The following RNF213 variants were observed in gnomAD, a reference collection of about 807,000 sequenced individuals.
RNF213 encodes E3 ubiquitin-protein ligase RNF213.
A neutral mutation model predicts 514.4 loss-of-function variants in RNF213; 341 were observed. The ratio of observed to expected loss-of-function variants is 0.66; its 90% CI spans 0.61 to 0.73. The LOEUF is 0.73. Among genes scored for constraint, RNF213 ranks in the 30% least tolerant of loss-of-function variants. RNF213 has a pLI of 0.00. For missense variants in RNF213, 5,767 were observed against 6,615.6 expected (o/e 0.87, Z 4.45); for synonymous variants, 2,655 against 2,658.2 (o/e 1.00, Z 0.04).
intron 22 of RNF213, among the ~76,000 whole-genome samples, chr17:80,335,264 C>G (rs1423445566): frequency 1.3e-5 from 2 of 152,150 alleles, no homozygotes; most frequent in Admixed American, 1.3e-4. Context: ...TCCATTGATG[C>G]TGTGCGTTTC....
At position 80,317,352 on chromosome 17, in the gene RNF213, A is replaced by T. The variant is rs1041489918; in HGVS notation, c.2901+75A>T. ...GAACCCCAGACCATTAGCGACAGCC[A>T]AGAGATCTCAGCAGTGCCTCTCTGT... is the stretch of plus-strand genomic sequence containing the variant. On this transcript the variant is annotated intron_variant, in intron 16 of 67. Transcript: ENST00000582970. This position sits in a 1 kb window ranked among gnomAD's most constrained non-coding sequence, Gnocchi z 4.1. The T allele has an allele frequency of 3.0e-6, 4 of 1,344,548 alleles. No individual in the cohort carries two copies. The African/African-American group carries it at 5.7e-5, about 19-fold the overall frequency. 83.3% of individuals were successfully genotyped at this position (1,344,548 alleles called of 1,614,324 possible).
chr17:80,343,117 G>A lies in RNF213; in HGVS notation c.5990-15G>A. The stretch of plus-strand genomic sequence containing the variant: ...GCCACCACTCCCAGCCCTAATTTCT[G>A]TATTAATGTTATAGGAAAGTCTCTG... On this transcript the variant is annotated splice_polypyrimidine_tract_variant and intron_variant, in intron 26 of 67. Coordinates refer to ENST00000582970, the MANE Select transcript of RNF213 (RefSeq NM_001256071.3). This position sits in a 1 kb window ranked among gnomAD's most constrained non-coding sequence, Gnocchi z 4.3. 4.4e-6 allele frequency: 7 copies of A among 1,608,904 alleles called. No homozygotes were observed. The highest frequency in any genetic ancestry group is 6.0e-6 in the Non-Finnish European group (7 of 1,175,468).
At position 80,319,285 on chromosome 17, in the gene RNF213, C is replaced by T; in HGVS notation, c.2997C>T (p.Ile999=). 3 of 1,614,136 alleles carry T rather than the reference C, an allele frequency of 1.9e-6. No individual in the cohort carries two copies. The highest frequency in any genetic ancestry group is 2.5e-6 in the Non-Finnish European group (3 of 1,180,032). The change falls in exon 17 of 68, where the codon ATC becomes ATT. Residue 999 remains isoleucine, a synonymous_variant. Coordinates refer to ENST00000582970, the MANE Select transcript of RNF213 (RefSeq NM_001256071.3). The part of the protein sequence containing the change: ...DSVAKTFEKC[I]IEAVSSACQS... ...TGGCCAAGACCTTCGAGAAATGCAT[C>T]ATTGAAGCCGTGAGCTCAGCCTGCC...
At chr17:80,276,727 G>A (rs2145182810) in intron 3 of RNF213, among the ~76,000 whole-genome samples, 1 of 152,036 alleles carries the variant, frequency 6.6e-6, no homozygotes, top group Non-Finnish European at 1.5e-5. Context: ...CGTTAAGGAA[G>A]CAGCAAGGCA....
intron 11 of RNF213, among the ~76,000 whole-genome samples, chr17:80,299,673 T>C (rs2045103702): frequency 6.6e-6 from 1 of 152,116 alleles, no homozygotes; most frequent in Non-Finnish European, 1.5e-5. Flanking sequence ...ATATTAAGCC[T>C]AGTACCCATT....
chr17:80,355,609 C>T lies in RNF213; in HGVS notation c.10862+1033C>T, dbSNP rs180781475. Among the ~76,000 whole-genome samples, 8 of 20,356 alleles carry T rather than the reference C, an allele frequency of 3.9e-4. 1 individual carries two copies. Among genetic ancestry groups the T allele is most frequent in the South Asian group, 1.6e-3 (1 of 626 alleles). 13.4% of individuals were successfully genotyped at this position (20,356 alleles called of 152,430 possible). On this transcript the variant is annotated intron_variant, in intron 36 of 67. Transcript: ENST00000582970. ...GAATGGGGGCTTACAGGGGAAGAAG[C>T]GGGGTGAGTGGGAATGGGGGCTTAC...
chr17:80,305,241 C>T (rs1030012157), intron 11 of RNF213, among the ~76,000 whole-genome samples: 4 of 143,384 alleles, frequency 2.8e-5, no homozygotes, highest in East Asian at 2.0e-4. Flanking sequence ...TACAATGGCA[C>T]GATCTTGGCT....
rs548285142 is a variant in RNF213 at position 80,327,575 on chromosome 17, C to G, written c.3194-241C>G. On this transcript the variant is annotated intron_variant, in intron 18 of 67. Transcript: ENST00000582970. Reference sequence around the variant, plus strand: ...GTCTCCCAGCTGATTTTGGCCATTGCGGGAAGTCATCTTCTTGGACAAGGA... The same window carrying G: ...GTCTCCCAGCTGATTTTGGCCATTGGGGGAAGTCATCTTCTTGGACAAGGA... 9.9e-5 allele frequency among the ~76,000 whole-genome samples: 15 copies of G among 151,926 alleles called. No homozygotes were observed. The South Asian group carries it at 2.3e-3, about 23-fold the overall frequency.
Position 80,288,144 on chromosome 17 carries a change from G to A in RNF213, c.591G>A (p.Gln197=). ...AGGCTCAGAGCAGCCCGCAATTCCA[G>A]GACCACACGGAAGGGGAGGACCAGG... is the stretch of plus-strand genomic sequence containing the variant. ...GSEAQSSPQF[Q]DHTEGEDQDA... is the part of the protein sequence containing the mutation. Residue 197 remains glutamine, a synonymous_variant, in exon 4 of 68, where the codon CAG becomes CAA. Transcript: ENST00000582970. This position sits in a 1 kb window ranked among gnomAD's most constrained non-coding sequence, Gnocchi z 4.9. 1 of 1,610,134 alleles carries A rather than the reference G, an allele frequency of 6.2e-7. No individual in the cohort carries two copies. Among genetic ancestry groups the A allele is most frequent in the Non-Finnish European group, 8.5e-7 (1 of 1,177,500 alleles).
At chr17:80,372,106 G>A (rs1420519282) in intron 47 of RNF213, 121 bp downstream of exon 47, 6 of 719,264 alleles carry the variant, frequency 8.3e-6, no homozygotes, top group Non-Finnish European at 1.5e-5. Flanking sequence ...GTGCAGAAAA[G>A]AAGAAAGGTT....
rs76121974 is a variant in RNF213, at chr17:80,364,027, G to A, written c.11750+237G>A. ...AGGGAGCGCACTGTGTACTGGGGCC[G>A]TAGAAAGGCAGACGGGCTATTGTGA... On this transcript the variant is annotated intron_variant, in intron 41 of 67. Transcript: ENST00000582970. Among the ~76,000 whole-genome samples, 8 of 152,332 alleles carry A rather than the reference G, an allele frequency of 5.3e-5. No homozygotes were observed. The South Asian group carries it at 1.7e-3, about 32-fold the overall frequency.
rs186175310 is a variant in RNF213, at chr17:80,389,754, A to G, written c.15196-74A>G. On this transcript the variant is annotated intron_variant, in intron 65 of 67. Coordinates refer to ENST00000582970, the MANE Select transcript of RNF213 (RefSeq NM_001256071.3). ...AAGAATGCCTGTGTGGAGAGCACTC[A>G]GGCTCCCTGGTGCACGACATGAGTG... 190 of 1,259,404 alleles carry G rather than the reference A, an allele frequency of 1.5e-4. No individual in the cohort carries two copies. The African/African-American group carries it at 2.5e-3, about 17-fold the overall frequency. The allele number at this position is 1,259,404 out of a possible 1,614,324, so 78.0% of individuals were successfully genotyped here. A position where few individuals can be genotyped will look rare whatever the true frequency, so the allele number is the denominator to read the frequency against.
At chr17:80,276,132 G>A (rs1029806435) in intron 3 of RNF213, among the ~76,000 whole-genome samples, 4 of 149,722 alleles carry the variant, frequency 2.7e-5, no homozygotes, top group African/African-American at 4.9e-5. Context: ...ATGGAGTTTC[G>A]CTCCTGTTGC....
chr17:80,384,842 T>C (rs1297048422), intron 59 of RNF213, 197 bp from the exon 60 acceptor site: 5 of 654,056 alleles, frequency 7.6e-6, no homozygotes, highest in African/African-American at 1.8e-5. Context: ...CCGCCCTCCA[T>C]TTCTAGCACA....
intron 60 of RNF213, 82 bp from the exon 61 acceptor site, chr17:80,385,456 C>A: frequency 8.1e-7 from 1 of 1,229,720 alleles, no homozygotes; most frequent in Non-Finnish European, 1.2e-6. Context: ...GATGGGCTCT[C>A]GGCAGAGCAT....
chr17:80,330,823 A>G (rs901483951), intron 20 of RNF213, among the ~76,000 whole-genome samples: 4 of 152,090 alleles, frequency 2.6e-5, no homozygotes, highest in African/African-American at 7.2e-5. Flanking sequence ...TGGATGGACC[A>G]TGTCTTTTTT....
intron 46 of RNF213, among the ~76,000 whole-genome samples, chr17:80,370,643 G>T (rs980762717): frequency 6.6e-6 from 1 of 152,122 alleles, no homozygotes; most frequent in African/African-American, 2.4e-5. Flanking sequence ...TCAACGTTTT[G>T]TGGAAATGGG....
chr17:80,315,309 GTGA>G (rs1299225644), intron 15 of RNF213, among the ~76,000 whole-genome samples: 1 of 97,164 alleles, frequency 1.0e-5, no homozygotes. Context: ...GGTAATGGAG[GTGA>G]TGGTGGTGGT....
chr17:80,328,269 C>T, intron 19 of RNF213, 59 bp from the exon 20 acceptor site: 2 of 1,495,786 alleles, frequency 1.3e-6, no homozygotes, highest in South Asian at 2.6e-5. Context: ...AAAGCATTGC[C>T]ATGGAAAATG....
Sources: allele counts gnomAD v4.1 joint callset (sites outside exome capture counted in the v4.1 genomes callset), GRCh38; gene constraint gnomAD v4.1.1; non-coding constraint Gnocchi (gnomAD v3.1); transcripts MANE v1.5; gene names NCBI Gene and HGNC (gene_info 2026-07-23, HGNC 2026-07-21).